MTMR9: variants seen among roughly 807,000 people sequenced by gnomAD.
MTMR9 encodes the protein myotubularin-related protein 9.
A neutral mutation model predicts 69.5 loss-of-function variants in MTMR9; 39 were observed. The observed-to-expected ratio is 0.56, with a 90% CI of 0.43 to 0.73. The LOEUF (loss-of-function observed/expected upper bound fraction) is 0.73, where lower values mean the gene tolerates loss of function less well. MTMR9 is among the 30% of genes least tolerant of loss of function. The pLI, the probability that MTMR9 is intolerant of heterozygous loss-of-function variation, is 0.00. For synonymous variants in MTMR9, 354 were observed against 240.8 expected, an observed-to-expected ratio of 1.47 and a Z score of -4.35; for missense variants, 900 against 671.2, an observed-to-expected ratio of 1.34 and a Z score of -3.77.
rs1194727666 is a variant in MTMR9 at position 11,324,715 on chromosome 8, G to A, written c.*1927G>A. On this transcript the variant is annotated 3_prime_UTR_variant, in exon 10 of 10. Coordinates refer to ENST00000221086, the MANE Select transcript of MTMR9 (RefSeq NM_015458.4). ...CTTTAGAAGTGACTCCCATTAGCCTGGTGTGGTGGTGTGTGCCTATAGTCC... is the reference window on the plus strand; with the variant it reads ...CTTTAGAAGTGACTCCCATTAGCCTAGTGTGGTGGTGTGTGCCTATAGTCC... 1 of 152,182 alleles carries A rather than the reference G, an allele frequency of 6.6e-6. No homozygotes were observed. Among genetic ancestry groups the A allele is most frequent in the Non-Finnish European group, 1.5e-5 (1 of 68,052 alleles). The allele number at this position is 152,182 out of a possible 1,614,324, so 9.4% of individuals were successfully genotyped here. A position where few individuals can be genotyped will look rare whatever the true frequency, so the allele number is the denominator to read the frequency against.
rs895678782 is a variant in MTMR9, at chr8:11,327,770, CAA to C, written c.*4983_*4984del. The C allele has an allele frequency of 1.3e-5, 2 of 152,528 alleles. No homozygotes were observed. Among genetic ancestry groups the C allele is most frequent in the African/African-American group, 4.8e-5 (2 of 41,392 alleles). 9.4% of individuals were successfully genotyped at this position (152,528 alleles called of 1,614,324 possible). Reference sequence around the variant, plus strand: ...TATAATGTATGCTTTGCTGAAACCTCAAGAGTGCTGTAAGGTACAGGTTTCCA... The same window carrying C: ...TATAATGTATGCTTTGCTGAAACCTCGAGTGCTGTAAGGTACAGGTTTCCA... On this transcript the variant is annotated 3_prime_UTR_variant, in exon 10 of 10. Transcript: ENST00000221086.
intron 6 of MTMR9, among the ~76,000 whole-genome samples, chr8:11,309,941 GT>G (rs533271729): frequency 8.8e-5 from 13 of 147,856 alleles, no homozygotes; most frequent in African/African-American, 2.0e-4. Flanking sequence ...TAATGGACCC[GT>G]TTTTTTTTTC....
chr8:11,298,721 C>CA, intron 2 of MTMR9: 3 of 336,892 alleles, frequency 8.9e-6, no homozygotes, highest in Non-Finnish European at 1.0e-5. Context: ...CCCCGCTGCA[C>CA]CCCCCCCCCG....
intron 1 of MTMR9, among the ~76,000 whole-genome samples, chr8:11,288,206 T>G (rs1277351375): frequency 1.5e-5 from 2 of 137,486 alleles, no homozygotes; most frequent in Non-Finnish European, 3.1e-5. Context: ...GTAATTATTA[T>G]ATATAATATA....
rs777128264 is a variant in MTMR9, at chr8:11,306,172, G to T, written c.592-18G>T. 1 of 1,608,944 alleles carries T rather than the reference G, an allele frequency of 6.2e-7. No individual in the cohort carries two copies. The highest frequency in any genetic ancestry group is 1.1e-5 in the South Asian group (1 of 90,602). On this transcript the variant is annotated intron_variant, in intron 4 of 9. Transcript: ENST00000221086. ...AAAAGCAACTGCTGTTGAATTTTCAGCTTTATTATGCTTCTAGGTAATTAT... is the reference window on the plus strand; with the variant it reads ...AAAAGCAACTGCTGTTGAATTTTCATCTTTATTATGCTTCTAGGTAATTAT...
At chr8:11,303,645 C>T (rs1799831972) in intron 3 of MTMR9, among the ~76,000 whole-genome samples, 1 of 152,010 alleles carries the variant, frequency 6.6e-6, no homozygotes. Flanking sequence ...GTGATTCTTT[C>T]ACCTCAGCAT....
Position 11,326,773 on chromosome 8 carries a change from A to G in MTMR9, c.*3985A>G, listed in dbSNP as rs1585143843. 1 of 152,318 alleles carries G rather than the reference A, an allele frequency of 6.6e-6. No homozygotes were observed. Among genetic ancestry groups the G allele is most frequent in the African/African-American group, 2.4e-5 (1 of 41,448 alleles). 9.4% of individuals were successfully genotyped at this position (152,318 alleles called of 1,614,324 possible). A position where few individuals can be genotyped will look rare whatever the true frequency, so the allele number is the denominator to read the frequency against. ...ATCATGAGGTCAGGAGATCGAGACC[A>G]TCCTGGCTAACACGGTGAAAACCCA... is the stretch of plus-strand genomic sequence containing the variant. On this transcript the variant is annotated 3_prime_UTR_variant, in exon 10 of 10. Transcript: ENST00000221086.
intron 2 of MTMR9, 146 bp from the exon 3 acceptor site, chr8:11,299,877 G>C (rs1050400087): frequency 1.1e-6 from 1 of 920,178 alleles, no homozygotes; most frequent in Non-Finnish European, 1.6e-6. Context: ...GACTAAAATT[G>C]TATCTGGTGA....
intron 1 of MTMR9, chr8:11,294,650 CA>C (rs1360247950): frequency 6.6e-6 from 1 of 151,994 alleles, no homozygotes; most frequent in Non-Finnish European, 1.5e-5. Context: ...CCACCACGCC[CA>C]GCTAATTTTT....
the MTMR9 span, among the ~76,000 whole-genome samples, chr8:11,333,838 TC>T: frequency 1.9e-3 from 290 of 152,336 alleles, 6 homozygotes; most frequent in East Asian, 0.023. Context: ...GGTTTGAATG[TC>T]CCCTCTAAAA....
chr8:11,302,128 C>G (rs902430912), intron 3 of MTMR9, among the ~76,000 whole-genome samples: 6 of 151,328 alleles, frequency 4.0e-5, no homozygotes, highest in Admixed American at 4.0e-4. Flanking sequence ...TAATGTGTGT[C>G]TTTGGTCCCA....
At chr8:11,338,193 G>C in the MTMR9 span, among the ~76,000 whole-genome samples, 2 of 152,222 alleles carry the variant, frequency 1.3e-5, no homozygotes, top group Non-Finnish European at 2.9e-5. Flanking sequence ...TAAATGAAGT[G>C]GGGATGCCAG....
At chr8:11,332,712 C>A (rs186899191), downstream of MTMR9, among the ~76,000 whole-genome samples, 23 of 152,210 alleles carry the variant, frequency 1.5e-4, no homozygotes, top group Admixed American at 2.0e-4. Flanking sequence ...AGCAATTCTC[C>A]TACATCAGCC....
At chr8:11,296,085 T>C (rs1208461369) in intron 2 of MTMR9, among the ~76,000 whole-genome samples, 2 of 143,218 alleles carry the variant, frequency 1.4e-5, no homozygotes. Flanking sequence ...AGAATATTAT[T>C]GTACCATATT....
At chr8:11,321,505 G>A (rs546653864) in intron 9 of MTMR9, 2 of 456,644 alleles carry the variant, frequency 4.4e-6, no homozygotes, top group Non-Finnish European at 8.8e-6. Flanking sequence ...TCCTTGTGGA[G>A]CTTAGAGATA....
intron 2 of MTMR9, among the ~76,000 whole-genome samples, chr8:11,297,041 G>A (rs1299044086): frequency 6.6e-6 from 1 of 152,000 alleles, no homozygotes; most frequent in Admixed American, 6.5e-5. Context: ...TTAAACTATT[G>A]CCACTAAATT....
At chr8:11,287,579 C>G (rs570330779) in intron 1 of MTMR9, among the ~76,000 whole-genome samples, 2 of 150,632 alleles carry the variant, frequency 1.3e-5, no homozygotes, top group African/African-American at 4.9e-5. Flanking sequence ...CTGAGCTGTG[C>G]GGCTGCAGTG....
chr8:11,309,939 C>G (rs1376433324), intron 6 of MTMR9, among the ~76,000 whole-genome samples: 1 of 151,688 alleles, frequency 6.6e-6, no homozygotes, highest in African/African-American at 2.4e-5. Context: ...ACTAATGGAC[C>G]CGTTTTTTTT....
chr8:11,332,025 C>A, downstream of MTMR9: 1 of 1,611,846 alleles, frequency 6.2e-7, no homozygotes, highest in Non-Finnish European at 8.5e-7. Flanking sequence ...GACTGTGGCA[C>A]TTTCTGACAT....
Sources: gnomAD v4.1 joint callset for allele counts (sites outside exome capture counted in the v4.1 genomes callset) on GRCh38, gnomAD v4.1.1 for gene constraint, MANE v1.5 for transcripts, NCBI Gene and HGNC (gene_info 2026-07-23, HGNC 2026-07-21) for gene names.